MACROD2: variants seen among roughly 807,000 people sequenced by gnomAD.
MACROD2 encodes the protein mono-ADP ribosylhydrolase 2, also known as ADP-ribose glycohydrolase MACROD2.
Under a neutral mutation model 70.4 loss-of-function variants are expected in MACROD2, and 36 were observed. That is an observed-to-expected ratio of 0.51 (90% confidence interval 0.39 to 0.68). The LOEUF (loss-of-function observed/expected upper bound fraction) is 0.68, where lower values mean the gene tolerates loss of function less well. Ranked by LOEUF, MACROD2 falls within the 30% of genes least tolerant of loss-of-function variation. The pLI, the probability that MACROD2 is intolerant of heterozygous loss-of-function variation, is 0.00. For missense variants in MACROD2, 496 were observed against 538.4 expected, an observed-to-expected ratio of 0.92 and a Z score of 0.78; for synonymous variants, 172 against 178.8, an observed-to-expected ratio of 0.96 and a Z score of 0.30.
intron 6 of MACROD2, among the ~76,000 whole-genome samples, chr20:15,336,700 G>A (rs2078052205): frequency 6.6e-6 from 1 of 151,672 alleles, no homozygotes; most frequent in Non-Finnish European, 1.5e-5. Context: ...TGCGTGTGTG[G>A]CCTGCGGGGA....
intron 5 of MACROD2, among the ~76,000 whole-genome samples, chr20:15,148,289 G>A (rs750752571): frequency 6.6e-6 from 1 of 151,936 alleles, no homozygotes. Flanking sequence ...AGAATTATTG[G>A]TGATGGCCTG....
chr20:14,005,774 T>C (rs1340095531), intron 2 of MACROD2, among the ~76,000 whole-genome samples: 1 of 152,136 alleles, frequency 6.6e-6, no homozygotes, highest in Non-Finnish European at 1.5e-5. Flanking sequence ...CTAATTTTTG[T>C]ATTTTTTGTG....
chr20:16,049,879 A>C lies in MACROD2; in HGVS notation c.*3A>C. The C allele has an allele frequency of 6.6e-7, 1 of 1,520,586 alleles. No homozygotes were observed. Among genetic ancestry groups the C allele is most frequent in the Non-Finnish European group, 8.9e-7 (1 of 1,123,660 alleles). The allele number at this position is 1,520,586 out of a possible 1,614,324, so 94.2% of individuals were successfully genotyped here. ...AACAAAGAAATGGAACTAAATGACA[A>C]TCCTCAGCATCGCAAGGCCTCTCCT... On this transcript the variant is annotated 3_prime_UTR_variant, in exon 18 of 18. Transcript: ENST00000684519.
chr20:15,339,121 G>A (rs999676778), intron 6 of MACROD2, among the ~76,000 whole-genome samples: 1 of 151,772 alleles, frequency 6.6e-6, no homozygotes, highest in East Asian at 1.9e-4. Flanking sequence ...CTCAAAAGAA[G>A]TATTTTAAAT....
chr20:15,767,091 G>A (rs1353736430), intron 8 of MACROD2, among the ~76,000 whole-genome samples: 1 of 152,150 alleles, frequency 6.6e-6, no homozygotes, highest in South Asian at 2.1e-4. Flanking sequence ...GCAATCTATC[G>A]ATACCACAAA....
chr20:14,310,897 A>C (rs541113940), intron 3 of MACROD2, among the ~76,000 whole-genome samples: 23 of 152,318 alleles, frequency 1.5e-4, no homozygotes, highest in Non-Finnish European at 3.4e-4. Context: ...CTTATAGACT[A>C]AAGGTAGGAA....
chr20:15,845,165 GAT>G (rs2064216429), intron 8 of MACROD2, among the ~76,000 whole-genome samples: 1 of 152,058 alleles, frequency 6.6e-6, no homozygotes. Context: ...AACCTTTGCA[GAT>G]ATAATTAGTA....
intron 14 of MACROD2, 24 bp from the exon 15 acceptor site, chr20:15,987,042 G>A: frequency 6.4e-7 from 1 of 1,572,002 alleles, no homozygotes; most frequent in Non-Finnish European, 8.7e-7. Context: ...AACCCTGAGT[G>A]TCCATCTGTC....
chr20:15,002,493 A>G (rs1261709477), intron 5 of MACROD2, among the ~76,000 whole-genome samples: 1 of 151,892 alleles, frequency 6.6e-6, no homozygotes, highest in Non-Finnish European at 1.5e-5. Context: ...ATGTTCCCTT[A>G]TTGATTGGTT....
intron 4 of MACROD2, among the ~76,000 whole-genome samples, chr20:14,637,482 A>C (rs754157331): frequency 6.6e-6 from 1 of 152,242 alleles, no homozygotes; most frequent in African/African-American, 2.4e-5. Flanking sequence ...AATGAATGCT[A>C]AATGAAAAAT....
chr20:15,536,982 C>T (rs1362040856), intron 8 of MACROD2, among the ~76,000 whole-genome samples: 3 of 152,106 alleles, frequency 2.0e-5, no homozygotes, highest in Non-Finnish European at 4.4e-5. Flanking sequence ...GAGTTCTGAA[C>T]TGACTACCCT....
intron 5 of MACROD2, among the ~76,000 whole-genome samples, chr20:14,953,859 T>A (rs1432316691): frequency 6.6e-6 from 1 of 152,166 alleles, no homozygotes; most frequent in Non-Finnish European, 1.5e-5. Flanking sequence ...AGCCAATTCA[T>A]AAGGAGAATT....
chr20:14,010,237 A>G (rs892932902), intron 2 of MACROD2, among the ~76,000 whole-genome samples: 3 of 152,228 alleles, frequency 2.0e-5, no homozygotes, highest in African/African-American at 4.8e-5. Context: ...AAGCTAGAGA[A>G]AAAGTGCTAT....
chr20:14,310,235 A>G (rs1025869359), intron 3 of MACROD2, among the ~76,000 whole-genome samples: 2 of 152,196 alleles, frequency 1.3e-5, no homozygotes, highest in African/African-American at 4.8e-5. Context: ...TAACAATGAC[A>G]GCAGTGTTGT....
intron 3 of MACROD2, among the ~76,000 whole-genome samples, chr20:14,409,617 T>C (rs745504913): frequency 2.0e-5 from 3 of 152,024 alleles, no homozygotes; most frequent in Non-Finnish European, 2.9e-5. Flanking sequence ...ATTTAGAAAA[T>C]AGCATGACAC....
intron 8 of MACROD2, among the ~76,000 whole-genome samples, chr20:15,695,040 T>A (rs982155074): frequency 1.3e-5 from 2 of 152,214 alleles, no homozygotes; most frequent in African/African-American, 4.8e-5. Context: ...CTACTTAGGT[T>A]TATTTATGGG....
intron 5 of MACROD2, among the ~76,000 whole-genome samples, chr20:14,810,264 G>A (rs1021628565): frequency 6.6e-6 from 1 of 152,024 alleles, no homozygotes; most frequent in African/African-American, 2.4e-5. Context: ...CTTCATCCCT[G>A]GGATGCAAGG....
chr20:14,387,625 G>A (rs1316577813), intron 3 of MACROD2, among the ~76,000 whole-genome samples: 2 of 152,254 alleles, frequency 1.3e-5, no homozygotes, highest in Non-Finnish European at 2.9e-5. Flanking sequence ...AAGCACAATT[G>A]TTGGAGGACA....
intron 4 of MACROD2, among the ~76,000 whole-genome samples, chr20:14,508,899 CT>C (rs1246610891): frequency 6.6e-6 from 1 of 152,060 alleles, no homozygotes; most frequent in Non-Finnish European, 1.5e-5. Flanking sequence ...CCAATCCATC[CT>C]TTTTGCTTAT....
Sources: allele counts gnomAD v4.1 joint callset (sites outside exome capture counted in the v4.1 genomes callset), GRCh38; gene constraint gnomAD v4.1.1; transcripts MANE v1.5; gene names NCBI Gene and HGNC (gene_info 2026-07-23, HGNC 2026-07-21).